The following ADCY3 variants were observed in gnomAD, a reference collection of about 807,000 sequenced individuals.
ADCY3 encodes the protein adenylate cyclase 3, also known as adenylate cyclase type 3.
ADCY3 carries 70 observed loss-of-function variants against 119.4 expected under a neutral mutation model. That is an observed-to-expected ratio of 0.59 (90% CI 0.48 to 0.72). ADCY3 has a LOEUF of 0.72. ADCY3 is among the 30% of genes least tolerant of loss of function. The probability of loss-of-function intolerance (pLI) is 0.00; values close to 1 mark genes in which losing one functional copy is unlikely to be tolerated. For synonymous variants in ADCY3, 672 were observed against 621.4 expected (o/e 1.08, Z -1.21); for missense variants, 1,238 against 1,541.6 (o/e 0.80, Z 3.30).
At chr2:24,824,178 C>T (rs963949495) in intron 17 of ADCY3, among the ~76,000 whole-genome samples, 200 bp downstream of exon 17, 2 of 152,362 alleles carry the variant, frequency 1.3e-5, no homozygotes, top group African/African-American at 2.4e-5. Flanking sequence ...GCCCACATCA[C>T]GATGCCTACA....
At chr2:24,877,208 G>T (rs1214535551) in intron 2 of ADCY3, among the ~76,000 whole-genome samples, 3 of 152,222 alleles carry the variant, frequency 2.0e-5, no homozygotes, top group African/African-American at 7.2e-5. Flanking sequence ...GCCCCATCCA[G>T]CCCTAGGTGC....
rs143504438 is a variant in ADCY3, at chr2:24,834,321, G to A, written c.1967+164C>T. ...GAAAAGGAAGGATGCCCAGGGTGCC[G>A]TCTAGCACTCCTGGGGCCTGTGGGG... On this transcript the variant is annotated intron_variant, in intron 11 of 21. Transcript: ENST00000679454. This position sits in a 1 kb window ranked among gnomAD's most constrained non-coding sequence, Gnocchi z 4.2. Among the ~76,000 whole-genome samples the A allele has an allele frequency of 6.6e-5, 10 of 152,332 alleles. No homozygotes were observed. The highest frequency in any genetic ancestry group is 2.1e-4 in the South Asian group (1 of 4,828).
Position 24,878,061 on chromosome 2 carries a change from A to C in ADCY3, c.676-5342T>G. The C allele has an allele frequency of 3.3e-6, 1 of 300,404 alleles. No homozygotes were observed. The highest frequency in any genetic ancestry group is 3.2e-5 in the South Asian group (1 of 31,618). The allele number at this position is 300,404 out of a possible 1,614,324, so 18.6% of individuals were successfully genotyped here. On this transcript the variant is annotated intron_variant, in intron 2 of 21. Transcript: ENST00000679454. The surrounding 1 kb of genome is among the most constrained non-coding windows in gnomAD (Gnocchi z 4.0). ...CAGCCCCTGGGGTCTCTATTTATAG[A>C]TCTTTTTACAAGTTTCTTAATCCTA...
chr2:24,820,079 G>A lies in ADCY3; in HGVS notation c.3288C>T (p.Tyr1096=), dbSNP rs762117912. The change falls in exon 22 of 22, where the codon TAC becomes TAT. Residue 1096 remains tyrosine (Y), a synonymous_variant. Transcript: ENST00000679454. Reference sequence around the variant, plus strand: ...GGCCTCGCCTCACAAAGCGGAAGCCGTACTCTCGGAGGATGACTTGGGTTT... The same window carrying A: ...GGCCTCGCCTCACAAAGCGGAAGCCATACTCTCGGAGGATGACTTGGGTTT... The part of the protein sequence containing the change: ...VEETQVILRE[Y]GFRFVRRGPI... 10 of 1,563,494 alleles carry A rather than the reference G, an allele frequency of 6.4e-6. No homozygotes were observed. The East Asian group carries it at 9.4e-5, about 15-fold the overall frequency.
At chr2:24,911,416 G>A (rs1335806659) in intron 2 of ADCY3, among the ~76,000 whole-genome samples, 1 of 151,232 alleles carries the variant, frequency 6.6e-6, no homozygotes, top group African/African-American at 2.4e-5. Flanking sequence ...GTAGGCCGAG[G>A]CAGGTGGATC....
intron 2 of ADCY3, among the ~76,000 whole-genome samples, chr2:24,886,345 C>G (rs1257312637): frequency 6.6e-6 from 1 of 152,242 alleles, no homozygotes; most frequent in East Asian, 1.9e-4. Context: ...ATGCCCCTCC[C>G]CACCTGGCCG....
At position 24,842,595 on chromosome 2, in the gene ADCY3, C is replaced by T. The variant is rs2148586777; in HGVS notation, c.826-211G>A. 1.7e-6 allele frequency: 1 copy of T among 589,294 alleles called. No individual in the cohort carries two copies. Among genetic ancestry groups the T allele is most frequent in the Non-Finnish European group, 2.9e-6 (1 of 339,670 alleles). The allele number at this position is 589,294 out of a possible 1,614,324, so 36.5% of individuals were successfully genotyped here. ...CTGACAAGGCTGAGGGTGGCAATGGCCCCTTCAGAGCAACTGAGGGGAGCC... is the reference window on the plus strand; with the variant it reads ...CTGACAAGGCTGAGGGTGGCAATGGTCCCTTCAGAGCAACTGAGGGGAGCC... On this transcript the variant is annotated intron_variant, in intron 3 of 21. Coordinates refer to ENST00000679454, the MANE Select transcript of ADCY3 (RefSeq NM_004036.5). This position sits in a 1 kb window ranked among gnomAD's most constrained non-coding sequence, Gnocchi z 4.9.
intron 3 of ADCY3, among the ~76,000 whole-genome samples, chr2:24,864,795 C>T (rs543037864): frequency 3.3e-5 from 5 of 152,186 alleles, no homozygotes; most frequent in African/African-American, 4.8e-5. Context: ...GATGGCTGCA[C>T]GACATTGTGA....
At chr2:24,820,164 C>A in intron 21 of ADCY3, 50 bp from the exon 22 acceptor site, 1 of 1,039,148 alleles carries the variant, frequency 9.6e-7, no homozygotes, top group Non-Finnish European at 1.3e-6. Context: ...GGAGCCTAGA[C>A]TGAGGGCGGG....
intron 2 of ADCY3, among the ~76,000 whole-genome samples, chr2:24,873,828 C>A (rs958821244): frequency 2.0e-5 from 3 of 152,188 alleles, no homozygotes; most frequent in East Asian, 1.9e-4. Context: ...CCTGGATCCC[C>A]GACGCCTCGC....
At chr2:24,875,512 T>C (rs956941405) in intron 2 of ADCY3, among the ~76,000 whole-genome samples, 1 of 152,212 alleles carries the variant, frequency 6.6e-6, no homozygotes, top group Non-Finnish European at 1.5e-5. Context: ...GAGAGATGAT[T>C]CCAGAGTGAG....
intron 9 of ADCY3, among the ~76,000 whole-genome samples, chr2:24,835,872 G>C (rs1169014629): frequency 6.6e-6 from 1 of 151,512 alleles, no homozygotes; most frequent in Non-Finnish European, 1.5e-5. Flanking sequence ...GGAGGCAGAG[G>C]TTGCAGTGAG....
chr2:24,853,320 C>T (rs1003210383), intron 3 of ADCY3, among the ~76,000 whole-genome samples: 5 of 152,132 alleles, frequency 3.3e-5, no homozygotes, highest in Non-Finnish European at 5.9e-5. Flanking sequence ...GAGGAGCTGC[C>T]GCAGGGGAAG....
intron 20 of ADCY3, 98 bp downstream of exon 20, chr2:24,821,419 C>A (rs1196567891): frequency 4.0e-5 from 61 of 1,520,142 alleles, no homozygotes; most frequent in Non-Finnish European, 5.0e-5. Context: ...ACCCGAATTG[C>A]CTCAGTTGTC....
In ADCY3 at chr2:24,821,545, C is replaced by G. The variant is rs1248754062; in HGVS notation, c.3099G>C (p.Gln1033His). The change falls in exon 20 of 22, where the codon CAG (glutamine) becomes CAC (histidine). Residue 1033 changes from glutamine (Q) to histidine (H), a missense_variant. Physicochemically the swap from Gln to His is conservative, Grantham distance 24. This residue lies in a region of ADCY3 where 63 missense variants were observed against 62.8 expected (regional missense o/e 1.00). Coordinates refer to ENST00000679454, the MANE Select transcript of ADCY3 (RefSeq NM_004036.5). ...TGCGCAGCATGAAGTTATTGAAGGA[C>G]TGGTTGTTGATGTTGGTGAGCGTAT... Reference protein sequence around the residue: ...MKDTLTNINNQSFNNFMLRIG... With the variant: ...MKDTLTNINNHSFNNFMLRIG... 1 of 1,614,174 alleles carries G rather than the reference C, an allele frequency of 6.2e-7. No individual in the cohort carries two copies. Among genetic ancestry groups the G allele is most frequent in the Non-Finnish European group, 8.5e-7 (1 of 1,180,032 alleles).
At chr2:24,870,002 T>A (rs1275423342) in intron 3 of ADCY3, among the ~76,000 whole-genome samples, 1 of 151,686 alleles carries the variant, frequency 6.6e-6, no homozygotes, top group Admixed American at 6.6e-5. Context: ...TCACATAGAT[T>A]CCTTCTTACC....
Position 24,918,952 on chromosome 2 carries a change from G to A in ADCY3, c.36C>T (p.Tyr12=). The change falls in exon 2 of 22, where the codon TAC becomes TAT. Residue 12 remains tyrosine (Y), a synonymous_variant. Transcript: ENST00000679454. This position sits in a 1 kb window ranked among gnomAD's most constrained non-coding sequence, Gnocchi z 5.4. Reference sequence around the variant, plus strand: ...AGTACTCGGCTGAGTACTCGGCCGAGTATTCGGGCTCGGAGAAGCCCTGGT... The same window carrying A: ...AGTACTCGGCTGAGTACTCGGCCGAATATTCGGGCTCGGAGAAGCCCTGGT... ...PRNQGFSEPE[Y]SAEYSAEYSV... 2.5e-6 allele frequency: 4 copies of A among 1,605,890 alleles called. No homozygotes were observed. The highest frequency in any genetic ancestry group is 3.4e-6 in the Non-Finnish European group (4 of 1,177,558).
chr2:24,893,809 T>C (rs1677963284), intron 2 of ADCY3, among the ~76,000 whole-genome samples: 1 of 152,160 alleles, frequency 6.6e-6, no homozygotes, highest in Non-Finnish European at 1.5e-5. Flanking sequence ...GTTTTCACCA[T>C]GTTGCCCAGG....
At chr2:24,881,158 C>T (rs1021737601) in intron 2 of ADCY3, among the ~76,000 whole-genome samples, 1 of 152,176 alleles carries the variant, frequency 6.6e-6, no homozygotes, top group Non-Finnish European at 1.5e-5. Context: ...TCTCCCGTCA[C>T]CAGAACACCA....
Sources: allele counts gnomAD v4.1 joint callset (sites outside exome capture counted in the v4.1 genomes callset), GRCh38; gene constraint gnomAD v4.1.1; regional missense constraint gnomAD v4.1.1; non-coding constraint Gnocchi (gnomAD v3.1); transcripts MANE v1.5; gene names NCBI Gene and HGNC (gene_info 2026-07-23, HGNC 2026-07-21).